RBFOX1: variants seen among roughly 807,000 people sequenced by gnomAD.
The protein encoded by RBFOX1 is RNA binding protein fox-1 homolog 1.
RBFOX1 carries 8 observed loss-of-function variants against 57.7 expected under a neutral mutation model. The observed-to-expected ratio is 0.14, with a 90% confidence interval of 0.08 to 0.25. The LOEUF is 0.25. Ranked by LOEUF, RBFOX1 falls within the 10% of genes least tolerant of loss-of-function variation. The pLI, the probability that RBFOX1 is intolerant of heterozygous loss-of-function variation, is 1.00. For synonymous variants in RBFOX1, 326 were observed against 222.4 expected, an observed-to-expected ratio of 1.47 and a Z score of -4.15; for missense variants, 611 against 548.5, an observed-to-expected ratio of 1.11 and a Z score of -1.14.
chr16:7,221,359 A>T (rs991655857), intron 4 of RBFOX1, among the ~76,000 whole-genome samples: 55 of 150,188 alleles, frequency 3.7e-4, no homozygotes, highest in Non-Finnish European at 5.3e-4. Flanking sequence ...TTATTTATTT[A>T]TTTATTTTTT....
At chr16:6,064,037 G>T (rs1312031212) in intron 1 of RBFOX1, among the ~76,000 whole-genome samples, 1 of 151,728 alleles carries the variant, frequency 6.6e-6, no homozygotes, top group Non-Finnish European at 1.5e-5. Context: ...ACATATCTTG[G>T]TGCATTTCCC....
At chr16:6,209,488 C>T (rs1881333109) in intron 1 of RBFOX1, among the ~76,000 whole-genome samples, 1 of 152,206 alleles carries the variant, frequency 6.6e-6, no homozygotes, top group African/African-American at 2.4e-5. Flanking sequence ...ATACACGTAA[C>T]CTCTCCGGTA....
chr16:6,003,104 C>T (rs1567243334), intron 4 of RBFOX1, among the ~76,000 whole-genome samples: 3 of 151,888 alleles, frequency 2.0e-5, no homozygotes, highest in Non-Finnish European at 4.4e-5. Flanking sequence ...ATGGTGAAAC[C>T]CCGTCTCTAC....
chr16:6,212,091 C>G (rs897906554), intron 1 of RBFOX1, among the ~76,000 whole-genome samples: 2 of 152,062 alleles, frequency 1.3e-5, no homozygotes, highest in Non-Finnish European at 2.9e-5. Context: ...CTCTTGGCCT[C>G]AAGTGATCTG....
At chr16:7,084,513 A>T (rs1276388778) in intron 4 of RBFOX1, among the ~76,000 whole-genome samples, 4 of 152,168 alleles carry the variant, frequency 2.6e-5, no homozygotes, top group African/African-American at 9.7e-5. Flanking sequence ...CACTTGTGAG[A>T]AATAGTGCCC....
intron 2 of RBFOX1, among the ~76,000 whole-genome samples, chr16:6,387,781 T>C (rs2152927351): frequency 6.6e-6 from 1 of 152,170 alleles, no homozygotes; most frequent in East Asian, 1.9e-4. Flanking sequence ...GTGTCCATTT[T>C]TCCCTCTGGT....
At chr16:5,505,256 C>G (rs34825406) in intron 2 of RBFOX1, among the ~76,000 whole-genome samples, 1 of 152,060 alleles carries the variant, frequency 6.6e-6, no homozygotes, top group Non-Finnish European at 1.5e-5. Context: ...CTGTGCTTAA[C>G]GCAGGGGGCG....
intron 2 of RBFOX1, among the ~76,000 whole-genome samples, chr16:6,408,956 C>G (rs190122672): frequency 3.0e-3 from 458 of 152,254 alleles, no homozygotes; most frequent in Middle Eastern, 0.017. Flanking sequence ...TTTACCACCC[C>G]TTCTGTGATC....
intron 3 of RBFOX1, among the ~76,000 whole-genome samples, chr16:7,037,638 G>T (rs147649433): frequency 3.7e-4 from 57 of 152,286 alleles, no homozygotes; most frequent in Middle Eastern, 3.4e-3. Flanking sequence ...CGTGTGATAG[G>T]CACTCTTCTA....
chr16:6,853,453 A>T (rs1044545139), intron 3 of RBFOX1, among the ~76,000 whole-genome samples: 2 of 152,126 alleles, frequency 1.3e-5, no homozygotes, highest in African/African-American at 4.8e-5. Context: ...TTTAAAAGGC[A>T]AATCATCCTG....
At chr16:7,284,859 T>G (rs1225401488) in intron 4 of RBFOX1, among the ~76,000 whole-genome samples, 1 of 152,158 alleles carries the variant, frequency 6.6e-6, no homozygotes, top group Non-Finnish European at 1.5e-5. Context: ...GGCCACTGCC[T>G]TCTTGTACTG....
intron 12 of RBFOX1, among the ~76,000 whole-genome samples, chr16:7,654,311 C>A (rs965684023): frequency 6.6e-6 from 1 of 152,146 alleles, no homozygotes; most frequent in African/African-American, 2.4e-5. Context: ...CCCTTGAATT[C>A]CTCCACAGAA....
intron 1 of RBFOX1, among the ~76,000 whole-genome samples, chr16:5,369,443 A>G (rs1417133606): frequency 6.6e-6 from 1 of 152,228 alleles, no homozygotes; most frequent in Non-Finnish European, 1.5e-5. Context: ...TGGCATTTGC[A>G]AAAGACCTGC....
intron 2 of RBFOX1, among the ~76,000 whole-genome samples, chr16:6,578,608 T>TGG (rs2097483675): frequency 6.7e-6 from 1 of 148,524 alleles, no homozygotes; most frequent in African/African-American, 2.5e-5. Flanking sequence ...CGTGTGTGTG[T>TGG]GTGTGAGCAT....
chr16:5,410,911 A>G (rs892163196), intron 1 of RBFOX1, among the ~76,000 whole-genome samples: 1 of 152,218 alleles, frequency 6.6e-6, no homozygotes, highest in African/African-American at 2.4e-5. Flanking sequence ...TGTACTCTTT[A>G]CATCTTGATT....
chr16:6,877,840 C>T (rs558306313), intron 3 of RBFOX1, among the ~76,000 whole-genome samples: 2 of 152,268 alleles, frequency 1.3e-5, no homozygotes, highest in South Asian at 4.1e-4. Flanking sequence ...AGTCTTCTTC[C>T]TATCCCCAAA....
chr16:6,304,264 G>T (rs1327186661), intron 1 of RBFOX1, among the ~76,000 whole-genome samples: 1 of 151,760 alleles, frequency 6.6e-6, no homozygotes, highest in Non-Finnish European at 1.5e-5. Flanking sequence ...CTTCAGCCTG[G>T]GAAATACAGT....
chr16:5,557,088 T>C (rs1317156253), intron 2 of RBFOX1, among the ~76,000 whole-genome samples: 1 of 151,640 alleles, frequency 6.6e-6, no homozygotes, highest in African/African-American at 2.4e-5. Flanking sequence ...TGAAACCCCA[T>C]CTCTACCAAG....
At chr16:5,979,601 C>T (rs1168550493) in intron 4 of RBFOX1, among the ~76,000 whole-genome samples, 6 of 152,174 alleles carry the variant, frequency 3.9e-5, no homozygotes, top group South Asian at 2.1e-4. Flanking sequence ...TGGTGGCTCA[C>T]GCCTCTAATC....
Sources: allele counts gnomAD v4.1 joint callset (sites outside exome capture counted in the v4.1 genomes callset), GRCh38; gene constraint gnomAD v4.1.1; transcripts MANE v1.5; gene names NCBI Gene and HGNC (gene_info 2026-07-23, HGNC 2026-07-21).